PCMTD1: variants seen among roughly 807,000 people sequenced by gnomAD.
PCMTD1 encodes the protein protein-L-isoaspartate (D-aspartate) O-methyltransferase domain containing 1.
In PCMTD1, 12 loss-of-function variants were observed where a neutral mutation model predicts 37.6. The ratio of observed to expected loss-of-function variants is 0.32; its 90% confidence interval spans 0.20 to 0.52. PCMTD1 has a LOEUF of 0.52. PCMTD1 is among the 20% of genes least tolerant of loss of function. PCMTD1 has a pLI of 0.97. For synonymous variants in PCMTD1, 117 were observed against 135.8 expected, an observed-to-expected ratio of 0.86 and a Z score of 0.96; for missense variants, 235 against 421.3, an observed-to-expected ratio of 0.56 and a Z score of 3.87.
chr8:51,896,481 T>C (rs2039003412), intron 1 of PCMTD1: 1 of 152,180 alleles, frequency 6.6e-6, no homozygotes, highest in Admixed American at 6.5e-5. Flanking sequence ...TTCATAAAAA[T>C]GTTTACTGAT....
chr8:51,889,893 TAC>T (rs1389318433), intron 1 of PCMTD1, among the ~76,000 whole-genome samples: 1 of 136,288 alleles, frequency 7.3e-6, no homozygotes, highest in African/African-American at 2.6e-5. Flanking sequence ...TGTGTGTGTG[TAC>T]ACACAAAAAT....
At chr8:51,851,008 A>C (rs1228592388) in intron 2 of PCMTD1, among the ~76,000 whole-genome samples, 2 of 152,234 alleles carry the variant, frequency 1.3e-5, no homozygotes, top group East Asian at 3.8e-4. Context: ...CGAAAGGCTA[A>C]GTAATTATTA....
rs1272711070 is a variant in PCMTD1 at position 51,818,416 on chromosome 8, A to AAAAC, written c.*1934_*1935insGTTT. The AAAAC allele has an allele frequency of 2.0e-5, 3 of 153,312 alleles. No individual in the cohort carries two copies. Among genetic ancestry groups the AAAAC allele is most frequent in the Non-Finnish European group, 2.9e-5 (2 of 68,902 alleles). 9.5% of individuals were successfully genotyped at this position (153,312 alleles called of 1,614,324 possible). A position where few individuals can be genotyped will look rare whatever the true frequency, so the allele number is the denominator to read the frequency against. ...CTAAACAGCAGCTCCAACCAAAAAA[A>AAAAC]AAAAAAAAAACAAGCAGGGGAGATG... On this transcript the variant is annotated 3_prime_UTR_variant, in exon 6 of 6. Transcript: ENST00000522514.
rs79363665 is a variant in PCMTD1 at position 51,883,918 on chromosome 8, A to G, written c.-96+15012T>C. Among the ~76,000 whole-genome samples, 748 of 152,338 alleles carry G rather than the reference A, an allele frequency of 4.9e-3. 6 individuals carry two copies. The highest frequency in any genetic ancestry group is 0.017 in the African/African-American group (716 of 41,572). ...AAACCCAAACAAAATAGGCACTTTG[A>G]TATTTGTGAAAGCAGGTCAACAGAA... On this transcript the variant is annotated intron_variant, in intron 1 of 5. Coordinates refer to ENST00000522514, the MANE Select transcript of PCMTD1 (RefSeq NM_052937.4).
At chr8:51,838,133 A>G (rs1585798235) in intron 3 of PCMTD1, among the ~76,000 whole-genome samples, 1 of 152,084 alleles carries the variant, frequency 6.6e-6, no homozygotes, top group African/African-American at 2.4e-5. Flanking sequence ...ATTCATACCA[A>G]TCAGGTTATA....
chr8:51,828,408 A>G (rs978519127), intron 5 of PCMTD1, among the ~76,000 whole-genome samples: 5 of 152,202 alleles, frequency 3.3e-5, no homozygotes, highest in African/African-American at 9.7e-5. Flanking sequence ...AATAAATAGT[A>G]CTAATATAGC....
chr8:51,866,748 G>A (rs527516619), intron 1 of PCMTD1, among the ~76,000 whole-genome samples: 5 of 151,924 alleles, frequency 3.3e-5, no homozygotes, highest in Non-Finnish European at 5.9e-5. Flanking sequence ...GATCCCAAAA[G>A]CACAGGCAAC....
intron 3 of PCMTD1, chr8:51,839,640 T>C: frequency 1.0e-6 from 1 of 985,352 alleles, no homozygotes; most frequent in Non-Finnish European, 1.2e-6. Context: ...AGGAGCTGAC[T>C]GAGAGTAGAA....
intron 1 of PCMTD1, among the ~76,000 whole-genome samples, chr8:51,878,790 G>C (rs1312728534): frequency 6.6e-6 from 1 of 151,788 alleles, no homozygotes; most frequent in Non-Finnish European, 1.5e-5. Context: ...ATTAATGGAA[G>C]AGAAGGCTAT....
intron 1 of PCMTD1, among the ~76,000 whole-genome samples, chr8:51,863,880 T>C (rs1017716073): frequency 6.6e-6 from 1 of 151,776 alleles, no homozygotes; most frequent in African/African-American, 2.4e-5. Context: ...TGAGCTGAGT[T>C]TGCACCACTG....
intron 1 of PCMTD1, among the ~76,000 whole-genome samples, chr8:51,867,965 T>C (rs1320505525): frequency 6.6e-6 from 1 of 152,154 alleles, no homozygotes; most frequent in East Asian, 1.9e-4. Context: ...CAATTATTGC[T>C]GAAACTGTAA....
chr8:51,820,166 A>G lies in PCMTD1; in HGVS notation c.*185T>C, dbSNP rs2037822071. 2.1e-6 allele frequency: 1 copy of G among 482,480 alleles called. No homozygotes were observed. The highest frequency in any genetic ancestry group is 3.4e-6 in the Non-Finnish European group (1 of 297,200). 29.9% of individuals were successfully genotyped at this position (482,480 alleles called of 1,614,324 possible). On this transcript the variant is annotated 3_prime_UTR_variant, in exon 6 of 6. Transcript: ENST00000522514. ...TTTTCCAAGATTTAAAGAAAAATAG[A>G]TTTTATAAAAGGGATTCTTTTATTC...
chr8:51,847,246 A>C (rs1462257628), intron 2 of PCMTD1, among the ~76,000 whole-genome samples: 1 of 152,240 alleles, frequency 6.6e-6, no homozygotes, highest in Non-Finnish European at 1.5e-5. Context: ...CAATATATTA[A>C]ATGTAAATAT....
intron 3 of PCMTD1, among the ~76,000 whole-genome samples, chr8:51,843,531 G>T (rs924056295): frequency 1.3e-4 from 19 of 151,372 alleles, no homozygotes; most frequent in Middle Eastern, 3.2e-3. Flanking sequence ...AACAAACCTG[G>T]GTAACACAGT....
intron 1 of PCMTD1, among the ~76,000 whole-genome samples, chr8:51,869,602 T>G (rs905421873): frequency 6.6e-6 from 1 of 152,102 alleles, no homozygotes; most frequent in African/African-American, 2.4e-5. Flanking sequence ...ACTCCTGCCA[T>G]TTTCTTTTCC....
At chr8:51,857,550 G>C (rs956078803) in intron 2 of PCMTD1, among the ~76,000 whole-genome samples, 4 of 152,104 alleles carry the variant, frequency 2.6e-5, no homozygotes, top group African/African-American at 9.7e-5. Context: ...TACAGGACGT[G>C]GGAGGCTGCT....
intron 2 of PCMTD1, among the ~76,000 whole-genome samples, chr8:51,860,119 G>A (rs989487028): frequency 8.5e-5 from 13 of 152,136 alleles, no homozygotes; most frequent in African/African-American, 1.9e-4. Flanking sequence ...TCCTAGATAC[G>A]TGACTTTCAG....
intron 2 of PCMTD1, among the ~76,000 whole-genome samples, chr8:51,852,769 T>C (rs1194777045): frequency 6.6e-6 from 1 of 152,222 alleles, no homozygotes; most frequent in Non-Finnish European, 1.5e-5. Context: ...GAGGAGAGAC[T>C]GGTACTCAAG....
intron 2 of PCMTD1, among the ~76,000 whole-genome samples, chr8:51,857,860 C>T (rs4873612): frequency 0.96 from 145,920 of 152,272 alleles, 70,063 homozygotes; most frequent in East Asian, 1. Context: ...AAATTAACCA[C>T]GCGTGTTGGT....
Sources: allele counts gnomAD v4.1 joint callset (sites outside exome capture counted in the v4.1 genomes callset), GRCh38; gene constraint gnomAD v4.1.1; transcripts MANE v1.5; gene names NCBI Gene and HGNC (gene_info 2026-07-23, HGNC 2026-07-21).